Variants in GATA4 observed in about 807,000 individuals in gnomAD.
GATA4 encodes the protein GATA binding protein 4, also known as transcription factor GATA-4.
Under a neutral mutation model 37.9 loss-of-function variants are expected in GATA4, and 7 were observed. The ratio of observed to expected loss-of-function variants is 0.18; its 90% CI spans 0.11 to 0.35. GATA4 has a LOEUF of 0.35. Ranked by LOEUF, GATA4 falls within the 10% of genes least tolerant of loss-of-function variation. The probability of loss-of-function intolerance (pLI) is 1.00; values close to 1 mark genes in which losing one functional copy is unlikely to be tolerated. For missense variants in GATA4, 647 were observed against 653.0 expected, an observed-to-expected ratio of 0.99 and a Z score of 0.10; for synonymous variants, 372 against 292.6, an observed-to-expected ratio of 1.27 and a Z score of -2.77.
chr8:11,701,812 C>A (rs1799685658), upstream of GATA4, among the ~76,000 whole-genome samples: 1 of 147,546 alleles, frequency 6.8e-6, no homozygotes, highest in African/African-American at 2.5e-5. Context: ...TTTCAGTCCA[C>A]TAGGAGTGCC....
At chr8:11,717,683 G>A (rs553576251) in intron 2 of GATA4, among the ~76,000 whole-genome samples, 7 of 152,250 alleles carry the variant, frequency 4.6e-5, no homozygotes, top group Admixed American at 1.3e-4. Context: ...ATGACTTGTC[G>A]CTCCCATCCG....
At position 11,755,420 on chromosome 8, in the gene GATA4, A is replaced by C. The variant is rs11987175; in HGVS notation, c.1000+287A>C. On this transcript the variant is annotated intron_variant, in intron 5 of 6. Transcript: ENST00000532059. Reference sequence around the variant, plus strand: ...CTGGACCAGCCGAGGTCCTGCAGGAAAGAGGAACTTTACTCGGTCCTTTCA... The same window carrying C: ...CTGGACCAGCCGAGGTCCTGCAGGACAGAGGAACTTTACTCGGTCCTTTCA... Among the ~76,000 whole-genome samples, 46,379 of 152,154 alleles carry C rather than the reference A, an allele frequency of 0.3. 7,445 individuals are homozygous for C. Among genetic ancestry groups the C allele is most frequent in the East Asian group, 0.54 (2,815 of 5,176 alleles).
At chr8:11,681,216 G>A (rs1390509456) in intron 1 of GATA4, 3 of 985,294 alleles carry the variant, frequency 3.0e-6, no homozygotes, top group African/African-American at 1.7e-5. Flanking sequence ...TCTGGAGGCA[G>A]AGATTTCTCG....
rs804291 is a variant in GATA4 at position 11,759,062 on chromosome 8, A to G, written c.*587A>G. On this transcript the variant is annotated 3_prime_UTR_variant, in exon 7 of 7. Coordinates refer to ENST00000532059, the MANE Select transcript of GATA4 (RefSeq NM_001308093.3). ...ACAGGGGCACTTAACCCACCACAGC[A>G]CAGCCTCATCAAAATGCAGCTGGCA... is the stretch of plus-strand genomic sequence containing the variant. The G allele has an allele frequency of 0.98, 164,280 of 167,288 alleles. 80,740 individuals carry two copies. Among genetic ancestry groups the G allele is most frequent in the South Asian group, 1 (6,482 of 6,482 alleles). 10.4% of individuals were successfully genotyped at this position (167,288 alleles called of 1,614,324 possible).
Position 11,749,210 on chromosome 8 carries a change from C to T in GATA4, c.786+125C>T. 1.1e-6 allele frequency: 1 copy of T among 916,284 alleles called. No individual in the cohort carries two copies. The highest frequency in any genetic ancestry group is 1.7e-6 in the Non-Finnish European group (1 of 588,406). 56.8% of individuals were successfully genotyped at this position (916,284 alleles called of 1,614,324 possible). On this transcript the variant is annotated intron_variant, in intron 3 of 6. Coordinates refer to ENST00000532059, the MANE Select transcript of GATA4 (RefSeq NM_001308093.3). This position sits in a 1 kb window ranked among gnomAD's most constrained non-coding sequence, Gnocchi z 4.6. ...CATCGGGGATTACGTGGGTGAGAGC[C>T]CCATAATAATTCTCACAACTTTAGA...
rs1386678141 is a variant in GATA4, at chr8:11,708,334, G to T, written c.22G>T (p.Ala8Ser). The change falls in exon 2 of 7, where the codon GCC becomes TCC. Residue 8 changes from alanine (A) to serine (S), a missense_variant. Physicochemically the swap from Ala to Ser is moderately conservative, Grantham distance 99. This residue lies in a region of GATA4 where 379 missense variants were observed against 334.5 expected (regional missense o/e 1.13). Coordinates refer to ENST00000532059, the MANE Select transcript of GATA4 (RefSeq NM_001308093.3). The surrounding 1 kb of genome is among the most constrained non-coding windows in gnomAD (Gnocchi z 6.7). MYQSLAM[A>S]ANHGPPPGAY... is the part of the protein sequence containing the mutation. The stretch of plus-strand genomic sequence containing the variant: ...GACCATGTATCAGAGCTTGGCCATG[G>T]CCGCCAACCACGGGCCGCCCCCCGG... The T allele has an allele frequency of 1.3e-6, 2 of 1,584,454 alleles. No homozygotes were observed. Among genetic ancestry groups the T allele is most frequent in the Admixed American group, 1.7e-5 (1 of 58,350 alleles).
chr8:11,693,522 AACACACAC>A (rs140439542), intron 1 of GATA4, among the ~76,000 whole-genome samples: 7,532 of 109,770 alleles, frequency 0.069, 376 homozygotes, highest in Middle Eastern at 0.094. Context: ...ATTCAGCACA[AACACACAC>A]ACACACACAC....
intron 2 of GATA4, among the ~76,000 whole-genome samples, chr8:11,739,480 A>T (rs1801618518): frequency 6.8e-6 from 1 of 147,414 alleles, no homozygotes; most frequent in South Asian, 2.5e-4. Flanking sequence ...TTTTCCATAT[A>T]CATCCATCAT....
chr8:11,678,946 T>C (rs1408687655), intron 1 of GATA4, among the ~76,000 whole-genome samples: 2 of 152,354 alleles, frequency 1.3e-5, no homozygotes, highest in Middle Eastern at 3.4e-3. Flanking sequence ...TTCTCCCTGG[T>C]CTAGTCTCAA....
At chr8:11,681,934 T>C (rs1798986744) in intron 1 of GATA4, among the ~76,000 whole-genome samples, 1 of 152,222 alleles carries the variant, frequency 6.6e-6, no homozygotes, top group Non-Finnish European at 1.5e-5. Flanking sequence ...TCTGAGATCC[T>C]TGCCCCTCAC....
rs1554488875 is a variant in GATA4, at chr8:11,709,573, A to AGC, written c.616+647_616+648dup. 6.1e-5 allele frequency among the ~76,000 whole-genome samples: 2 copies of AGC among 32,710 alleles called. No individual in the cohort carries two copies. Among genetic ancestry groups the AGC allele is most frequent in the East Asian group, 1.7e-3 (1 of 580 alleles). The allele number at this position is 32,710 out of a possible 152,430, so 21.5% of individuals were successfully genotyped here. On this transcript the variant is annotated intron_variant, in intron 2 of 6. Transcript: ENST00000532059. This position sits in a 1 kb window ranked among gnomAD's most constrained non-coding sequence, Gnocchi z 4.3. ...GAGCGCGTGGGCGCATCATGCGGGC[A>AGC]GCGGGGGGGGGGGCGCACACGCCCG...
chr8:11,734,879 C>T (rs1466345932), intron 2 of GATA4, among the ~76,000 whole-genome samples: 2 of 152,210 alleles, frequency 1.3e-5, no homozygotes, highest in Non-Finnish European at 2.9e-5. Context: ...CTCCAAATAC[C>T]ATCACATGTG....
At chr8:11,717,316 C>G (rs1031855731) in intron 2 of GATA4, among the ~76,000 whole-genome samples, 3 of 152,152 alleles carry the variant, frequency 2.0e-5, no homozygotes, top group African/African-American at 7.2e-5. Context: ...TGGCTAACAA[C>G]TTTTTAGCGA....
At chr8:11,697,032 G>C (rs1440714262) in intron 1 of GATA4, among the ~76,000 whole-genome samples, 3 of 152,244 alleles carry the variant, frequency 2.0e-5, no homozygotes, top group African/African-American at 7.2e-5. Context: ...AGGCGATGAG[G>C]TCGGGATAGC....
chr8:11,709,512 G>A lies in GATA4; in HGVS notation c.616+584G>A, dbSNP rs1435638949. ...AAAGGAGACGCCGGGGAGATGCGCG[G>A]AACAGGAGCCGGCACTGTGCGGGTG... On this transcript the variant is annotated intron_variant, in intron 2 of 6. Coordinates refer to ENST00000532059, the MANE Select transcript of GATA4 (RefSeq NM_001308093.3). The surrounding 1 kb of genome is among the most constrained non-coding windows in gnomAD (Gnocchi z 4.3). Among the ~76,000 whole-genome samples, 1 of 146,396 alleles carries A rather than the reference G, an allele frequency of 6.8e-6. No individual in the cohort carries two copies. The highest frequency in any genetic ancestry group is 1.5e-5 in the Non-Finnish European group (1 of 66,636).
At chr8:11,718,694 T>C (rs2130130046) in intron 2 of GATA4, among the ~76,000 whole-genome samples, 1 of 152,360 alleles carries the variant, frequency 6.6e-6, no homozygotes, top group East Asian at 1.9e-4. Context: ...TCTTAAAATC[T>C]AATCAGTCCT....
upstream of GATA4, among the ~76,000 whole-genome samples, chr8:11,690,122 G>A (rs547185402): frequency 2.0e-5 from 3 of 152,320 alleles, no homozygotes; most frequent in South Asian, 6.2e-4. Flanking sequence ...CGGGCCAAAG[G>A]TACCTGGTGC....
chr8:11,703,954 C>A (rs1799777365), upstream of GATA4, among the ~76,000 whole-genome samples: 1 of 152,256 alleles, frequency 6.6e-6, no homozygotes, highest in Admixed American at 6.5e-5. Context: ...CACAGCGAAC[C>A]CAATCGACCT....
In GATA4 at chr8:11,709,580, G is replaced by T. The variant is rs968256259; in HGVS notation, c.616+652G>T. ...TGGGCGCATCATGCGGGCAGCGGGG[G>T]GGGGGGCGCACACGCCCGGTCAGTG... On this transcript the variant is annotated intron_variant, in intron 2 of 6. Coordinates refer to ENST00000532059, the MANE Select transcript of GATA4 (RefSeq NM_001308093.3). The surrounding 1 kb of genome is among the most constrained non-coding windows in gnomAD (Gnocchi z 4.3). Among the ~76,000 whole-genome samples the T allele has an allele frequency of 1.3e-5, 2 of 151,954 alleles. No homozygotes were observed. The highest frequency in any genetic ancestry group is 4.8e-5 in the African/African-American group (2 of 41,436).
Sources: allele counts gnomAD v4.1 joint callset (sites outside exome capture counted in the v4.1 genomes callset), GRCh38; gene constraint gnomAD v4.1.1; regional missense constraint gnomAD v4.1.1; non-coding constraint Gnocchi (gnomAD v3.1); transcripts MANE v1.5; gene names NCBI Gene and HGNC (gene_info 2026-07-23, HGNC 2026-07-21).